PSKH1: variants seen among roughly 807,000 people sequenced by gnomAD.
PSKH1 encodes the protein serine/threonine-protein kinase H1.
Under a neutral mutation model 26.7 loss-of-function variants are expected in PSKH1, and 12 were observed. The observed-to-expected ratio is 0.45, with a 90% confidence interval of 0.29 to 0.73. The LOEUF (loss-of-function observed/expected upper bound fraction) is 0.73. Ranked by LOEUF, PSKH1 falls within the 30% of genes least tolerant of loss-of-function variation. PSKH1 has a pLI of 0.11. For synonymous variants in PSKH1, 213 were observed against 234.3 expected, an observed-to-expected ratio of 0.91 and a Z score of 0.83; for missense variants, 431 against 595.2, an observed-to-expected ratio of 0.72 and a Z score of 2.87.
At chr16:67,915,780 A>G (rs543683015) in intron 2 of PSKH1, among the ~76,000 whole-genome samples, 2 of 152,330 alleles carry the variant, frequency 1.3e-5, no homozygotes, top group South Asian at 2.1e-4. Context: ...GCATGCTTTT[A>G]TAGCTCTATC....
At chr16:67,915,198 A>T (rs369923296) in intron 2 of PSKH1, among the ~76,000 whole-genome samples, 5 of 135,458 alleles carry the variant, frequency 3.7e-5, no homozygotes, top group South Asian at 2.3e-4. Context: ...AGTGAGTGAG[A>T]GAGAGAGAGA....
intron 2 of PSKH1, among the ~76,000 whole-genome samples, chr16:67,918,929 T>A (rs1381586312): frequency 2.0e-5 from 3 of 152,116 alleles, no homozygotes; most frequent in Non-Finnish European, 4.4e-5. Context: ...TGCCTTGGGA[T>A]GTAGAAGATA....
rs1279451077 is a variant in PSKH1 at position 67,909,660 on chromosome 16, G to A, written c.911G>A (p.Arg304Gln). Reference protein sequence around the residue: ...TMPFEDDNRTRLYRQILRGKY... With the variant: ...TMPFEDDNRTQLYRQILRGKY... ...CCGTTTGAGGATGACAACCGTACCC[G>A]GCTGTACCGGCAGATCCTCAGGGGC... is the stretch of plus-strand genomic sequence containing the variant. The change falls in exon 2 of 3, where the codon CGG becomes CAG. Residue 304 changes from arginine (R) to glutamine (Q), a missense_variant. By Grantham distance (43) the Arg-to-Gln change is conservative. Coordinates refer to ENST00000291041, the MANE Select transcript of PSKH1 (RefSeq NM_006742.3). The surrounding 1 kb of genome is among the most constrained non-coding windows in gnomAD (Gnocchi z 7.8). The A allele has an allele frequency of 9.9e-6, 16 of 1,613,392 alleles. No homozygotes were observed. The highest frequency in any genetic ancestry group is 4.0e-5 in the African/African-American group (3 of 74,928).
rs1414099222 is a variant in PSKH1 at position 67,900,450 on chromosome 16, A to G, written c.-71+7079A>G. On this transcript the variant is annotated intron_variant, in intron 1 of 2. Transcript: ENST00000291041. ...AGGTTTCTAAAGCAGACCCTTCAGG[A>G]AAGATCCTCAGGAAAGCTTTGTGGG... is the stretch of plus-strand genomic sequence containing the variant. 2.0e-5 allele frequency among the ~76,000 whole-genome samples: 3 copies of G among 152,280 alleles called. No homozygotes were observed. In the East Asian group the frequency reaches 5.8e-4, roughly 29 times the overall value.
intron 2 of PSKH1, among the ~76,000 whole-genome samples, chr16:67,914,835 G>C (rs2151313436): frequency 6.6e-6 from 1 of 152,288 alleles, no homozygotes; most frequent in South Asian, 2.1e-4. Flanking sequence ...ATGGTGCCAG[G>C]CTGTTGAGGG....
At chr16:67,922,105 A>G (rs140151066) in intron 2 of PSKH1, among the ~76,000 whole-genome samples, 44 of 151,336 alleles carry the variant, frequency 2.9e-4, no homozygotes, top group African/African-American at 1.0e-3. Context: ...GCCGAGTCCC[A>G]GGGTGGTAGA....
chr16:67,910,053 T>C, intron 2 of PSKH1: 1 of 471,062 alleles, frequency 2.1e-6, no homozygotes, highest in Non-Finnish European at 3.7e-6. Flanking sequence ...ATGTGGAATG[T>C]GCCTCATAGT....
chr16:67,919,773 G>T (rs897872039), intron 2 of PSKH1, among the ~76,000 whole-genome samples: 2 of 152,198 alleles, frequency 1.3e-5, no homozygotes, highest in Non-Finnish European at 2.9e-5. Context: ...CTCTCTCCAT[G>T]TGAGGCCAGA....
chr16:67,915,766 C>G (rs1326631472), intron 2 of PSKH1, among the ~76,000 whole-genome samples: 2 of 152,194 alleles, frequency 1.3e-5, no homozygotes, highest in Non-Finnish European at 2.9e-5. Flanking sequence ...CTGCCAGCAA[C>G]CTGGCATGCT....
intron 1 of PSKH1, among the ~76,000 whole-genome samples, chr16:67,893,994 G>C (rs2058119336): frequency 1.3e-5 from 2 of 152,208 alleles, no homozygotes; most frequent in African/African-American, 4.8e-5. Context: ...AGTGCCTTCA[G>C]GACAAAGGCC....
intron 2 of PSKH1, among the ~76,000 whole-genome samples, chr16:67,910,530 C>T (rs2058170475): frequency 6.6e-6 from 1 of 152,140 alleles, no homozygotes; most frequent in African/African-American, 2.4e-5. Flanking sequence ...GCTCTGTTGC[C>T]CAGGCTGGAG....
intron 2 of PSKH1, among the ~76,000 whole-genome samples, chr16:67,915,370 G>C (rs1433994081): frequency 6.6e-6 from 1 of 152,052 alleles, no homozygotes; most frequent in Admixed American, 6.6e-5. Flanking sequence ...GAGCTTGCCT[G>C]ACCCCAAAAA....
intron 1 of PSKH1, among the ~76,000 whole-genome samples, chr16:67,906,168 G>C (rs908872747): frequency 5.9e-5 from 9 of 151,734 alleles, no homozygotes; most frequent in African/African-American, 2.2e-4. Context: ...CGCCTCCCGG[G>C]TTCAAACAAT....
chr16:67,899,968 T>C (rs1332648362), intron 1 of PSKH1, among the ~76,000 whole-genome samples: 1 of 146,304 alleles, frequency 6.8e-6, no homozygotes, highest in Non-Finnish European at 1.5e-5. Context: ...TTTTCTTTCT[T>C]TTTATTTTCT....
intron 2 of PSKH1, among the ~76,000 whole-genome samples, chr16:67,923,742 G>A (rs1230840786): frequency 6.6e-6 from 1 of 152,238 alleles, no homozygotes; most frequent in African/African-American, 2.4e-5. Context: ...TAAGTATACT[G>A]AGGCACGAGT....
intron 1 of PSKH1, among the ~76,000 whole-genome samples, chr16:67,897,889 C>T (rs868670174): frequency 3.3e-5 from 5 of 152,168 alleles, no homozygotes; most frequent in Middle Eastern, 3.4e-3. Context: ...GCTTTGTTGC[C>T]CAGGCTGGAG....
At chr16:67,905,352 C>T (rs997247687) in intron 1 of PSKH1, among the ~76,000 whole-genome samples, 1 of 152,132 alleles carries the variant, frequency 6.6e-6, no homozygotes, top group Non-Finnish European at 1.5e-5. Context: ...CTGCCCATTC[C>T]TAGATGCAGG....
intron 2 of PSKH1, among the ~76,000 whole-genome samples, chr16:67,920,525 C>T (rs2058199283): frequency 6.6e-6 from 1 of 152,172 alleles, no homozygotes; most frequent in Non-Finnish European, 1.5e-5. Flanking sequence ...TCCCAAAGTG[C>T]TGAGATTAAA....
intron 1 of PSKH1, among the ~76,000 whole-genome samples, chr16:67,900,404 C>A (rs1342765024): frequency 6.6e-6 from 1 of 152,130 alleles, no homozygotes; most frequent in East Asian, 1.9e-4. Flanking sequence ...AGCAGTGTGA[C>A]TCAGATTATA....
Sources: allele counts gnomAD v4.1 joint callset (sites outside exome capture counted in the v4.1 genomes callset), GRCh38; gene constraint gnomAD v4.1.1; non-coding constraint Gnocchi (gnomAD v3.1); transcripts MANE v1.5; gene names NCBI Gene and HGNC (gene_info 2026-07-23, HGNC 2026-07-21).